The following FAM193A variants were observed in gnomAD, a reference collection of about 807,000 sequenced individuals.
FAM193A encodes protein FAM193A.
FAM193A carries 22 observed loss-of-function variants against 126.5 expected under a neutral mutation model. The ratio of observed to expected loss-of-function variants is 0.17; its 90% confidence interval spans 0.12 to 0.25. The LOEUF (loss-of-function observed/expected upper bound fraction) is 0.25, where lower values mean the gene tolerates loss of function less well. Ranked by LOEUF, FAM193A falls within the 10% of genes least tolerant of loss-of-function variation. The pLI, the probability that FAM193A is intolerant of heterozygous loss-of-function variation, is 1.00. For missense variants in FAM193A, 1,675 were observed against 1,672.8 expected, an observed-to-expected ratio of 1.00 and a Z score of -0.02; for synonymous variants, 761 against 646.8, an observed-to-expected ratio of 1.18 and a Z score of -2.68.
intron 7 of FAM193A, chr4:2,654,360 C>T (rs1745959638): frequency 6.6e-6 from 1 of 150,602 alleles, no homozygotes; most frequent in Non-Finnish European, 1.5e-5. Flanking sequence ...TCACAGCGCA[C>T]ACCACCATGC....
intron 8 of FAM193A, among the ~76,000 whole-genome samples, chr4:2,658,830 A>G (rs1712037127): frequency 1.3e-5 from 2 of 152,182 alleles, no homozygotes; most frequent in South Asian, 4.1e-4. Flanking sequence ...GGCTCACTGC[A>G]ACCTCTGCCT....
At chr4:2,577,520 G>A (rs978070984) in intron 1 of FAM193A, among the ~76,000 whole-genome samples, 2 of 147,888 alleles carry the variant, frequency 1.4e-5, no homozygotes, top group Non-Finnish European at 3.0e-5. Flanking sequence ...CTGGGTTCAA[G>A]CGATTCTACT....
At chr4:2,578,934 G>A (rs1027546131) in intron 1 of FAM193A, among the ~76,000 whole-genome samples, 1 of 151,802 alleles carries the variant, frequency 6.6e-6, no homozygotes, top group Non-Finnish European at 1.5e-5. Context: ...GGGTGTCAGA[G>A]GCAGAGGAGG....
At chr4:2,653,257 A>G (rs1227893263) in intron 7 of FAM193A, among the ~76,000 whole-genome samples, 2 of 152,178 alleles carry the variant, frequency 1.3e-5, no homozygotes, top group South Asian at 2.1e-4. Context: ...AATATTATAT[A>G]TGGTATTATT....
intron 1 of FAM193A, among the ~76,000 whole-genome samples, chr4:2,541,455 T>A (rs1179841811): frequency 1.3e-5 from 2 of 151,134 alleles, no homozygotes; most frequent in East Asian, 3.9e-4. Context: ...ACTTTTTTTT[T>A]TTTTTTTTTG....
intron 6 of FAM193A, among the ~76,000 whole-genome samples, chr4:2,641,471 C>T (rs933123925): frequency 1.1e-4 from 17 of 151,584 alleles, no homozygotes; most frequent in African/African-American, 3.6e-4. Flanking sequence ...CTGGCTAACA[C>T]GGTGAAACCT....
intron 6 of FAM193A, among the ~76,000 whole-genome samples, chr4:2,640,356 G>T (rs1053052364): frequency 5.9e-5 from 9 of 152,134 alleles, no homozygotes; most frequent in African/African-American, 9.7e-5. Flanking sequence ...AAGCTGGCTG[G>T]GTTCTATGCT....
At chr4:2,539,241 C>T (rs576968097) in intron 1 of FAM193A, among the ~76,000 whole-genome samples, 1 of 152,184 alleles carries the variant, frequency 6.6e-6, no homozygotes, top group South Asian at 2.1e-4. Context: ...AACTGTATGC[C>T]TATTATTATT....
At chr4:2,710,432 C>G (rs1393803489) in intron 19 of FAM193A, among the ~76,000 whole-genome samples, 1 of 152,040 alleles carries the variant, frequency 6.6e-6, no homozygotes, top group Non-Finnish European at 1.5e-5. Context: ...CTTGGCCTCC[C>G]AAAGTGCTGG....
At chr4:2,565,369 C>T (rs1383759753) in intron 1 of FAM193A, among the ~76,000 whole-genome samples, 3 of 145,774 alleles carry the variant, frequency 2.1e-5, no homozygotes, top group African/African-American at 5.0e-5. Flanking sequence ...AAGCAATTCT[C>T]CTGCTTCAGC....
intron 1 of FAM193A, among the ~76,000 whole-genome samples, chr4:2,591,455 G>A (rs1339456340): frequency 6.6e-6 from 1 of 152,022 alleles, no homozygotes; most frequent in Non-Finnish European, 1.5e-5. Flanking sequence ...GGAGATGGAG[G>A]GCATGTGGGG....
chr4:2,556,821 A>T (rs1738288409), intron 1 of FAM193A, among the ~76,000 whole-genome samples: 2 of 152,244 alleles, frequency 1.3e-5, no homozygotes, highest in African/African-American at 4.8e-5. Context: ...TGTCAAGTAA[A>T]GAACATTGTT....
At chr4:2,713,392 G>A (rs758453716) in intron 19 of FAM193A, among the ~76,000 whole-genome samples, 7 of 152,164 alleles carry the variant, frequency 4.6e-5, no homozygotes, top group Non-Finnish European at 7.3e-5. Context: ...GCAATAGAGC[G>A]AGACTCCTTA....
At chr4:2,616,644 C>G (rs1742204633) in intron 2 of FAM193A, among the ~76,000 whole-genome samples, 1 of 151,840 alleles carries the variant, frequency 6.6e-6, no homozygotes, top group African/African-American at 2.4e-5. Context: ...ACTGCAAGCT[C>G]CACCTTCCAG....
In FAM193A at chr4:2,693,742, A is replaced by G; in HGVS notation, c.2960A>G (p.Asn987Ser). ...CCTGCCTCCACACCTCACCTTGCAA[A>G]TCTTGCAGCCCCATCATTCCCCAAA... is the stretch of plus-strand genomic sequence containing the variant. ...LSPASTPHLANLAAPSFPKTA... is the reference protein window; with the variant it reads ...LSPASTPHLASLAAPSFPKTA... The change falls in exon 16 of 21, where the codon AAT becomes AGT. Residue 987 changes from asparagine (N) to serine (S), a missense_variant. By Grantham distance (46) the Asn-to-Ser change is conservative. Transcript: ENST00000637812. The G allele has an allele frequency of 6.2e-7, 1 of 1,614,076 alleles. No homozygotes were observed.
At chr4:2,623,686 AG>A (rs1234121208) in intron 2 of FAM193A, among the ~76,000 whole-genome samples, 6 of 152,090 alleles carry the variant, frequency 3.9e-5, no homozygotes, top group African/African-American at 9.7e-5. Flanking sequence ...GGTGAGCCCC[AG>A]GCTCCTTGCC....
chr4:2,606,703 A>G (rs1489111413), intron 2 of FAM193A, among the ~76,000 whole-genome samples: 1 of 152,186 alleles, frequency 6.6e-6, no homozygotes, highest in East Asian at 1.9e-4. Context: ...AGGTAGACAG[A>G]TTTTCCTGAT....
chr4:2,694,033 AG>A (rs1186967268), intron 16 of FAM193A, among the ~76,000 whole-genome samples, 159 bp downstream of exon 16: 1 of 152,150 alleles, frequency 6.6e-6, no homozygotes, highest in South Asian at 2.1e-4. Flanking sequence ...CCATGGGTAG[AG>A]GGGGGCTCCC....
rs1712674554 is a variant in FAM193A, at chr4:2,663,132, C to T, written c.1923C>T (p.Ser641=). ...AGTCTCCTCAGATAAGCAGTACCAG[C>T]AGTAGTTCCTCAGAAGCTGATGATG... The part of the protein sequence containing the change: ...KDESPQISST[S]SSSSEADDEE... The change falls in exon 12 of 21, where the codon AGC becomes AGT. Residue 641 remains serine, a synonymous_variant. Transcript: ENST00000637812. 1 of 1,613,922 alleles carries T rather than the reference C, an allele frequency of 6.2e-7. No homozygotes were observed. The highest frequency in any genetic ancestry group is 1.7e-5 in the Admixed American group (1 of 59,974).
Sources: gnomAD v4.1 joint callset for allele counts (sites outside exome capture counted in the v4.1 genomes callset) on GRCh38, gnomAD v4.1.1 for gene constraint, MANE v1.5 for transcripts, NCBI Gene and HGNC (gene_info 2026-07-23, HGNC 2026-07-21) for gene names.